The following SGCD variants were observed in gnomAD, a reference collection of about 807,000 sequenced individuals.
SGCD encodes the protein sarcoglycan delta.
SGCD carries 18 observed loss-of-function variants against 36.6 expected under a neutral mutation model. That is an observed-to-expected ratio of 0.49 (90% CI 0.34 to 0.73). The LOEUF (loss-of-function observed/expected upper bound fraction) is 0.73, where lower values mean the gene tolerates loss of function less well. Ranked by LOEUF, SGCD falls within the 30% of genes least tolerant of loss-of-function variation. The pLI is 0.01. For missense variants in SGCD, 387 were observed against 346.7 expected (o/e 1.12, Z -0.92); for synonymous variants, 133 against 130.6 (o/e 1.02, Z -0.12).
At chr5:156,741,215 C>A (rs1023985271) in intron 7 of SGCD, among the ~76,000 whole-genome samples, 1 of 152,116 alleles carries the variant, frequency 6.6e-6, no homozygotes, top group African/African-American at 2.4e-5. Context: ...AATGTAGATT[C>A]TTATGATGAA....
the SGCD span, among the ~76,000 whole-genome samples, chr5:155,801,120 C>A: frequency 6.6e-6 from 1 of 152,196 alleles, no homozygotes; most frequent in South Asian, 2.1e-4. Context: ...TCTCTGCCTT[C>A]TTGGCCTTCC....
intron 3 of SGCD, among the ~76,000 whole-genome samples, chr5:156,412,382 A>G (rs1772807478): frequency 1.3e-5 from 2 of 152,224 alleles, no homozygotes; most frequent in African/African-American, 4.8e-5. Context: ...GCTTTTTTCT[A>G]CCTATGTTTA....
chr5:155,806,134 T>A, the SGCD span, among the ~76,000 whole-genome samples: 1 of 152,074 alleles, frequency 6.6e-6, no homozygotes, highest in Non-Finnish European at 1.5e-5. Context: ...CAAACACTAT[T>A]CTGGACTTTA....
intron 4 of SGCD, among the ~76,000 whole-genome samples, chr5:156,582,091 T>A (rs1459357113): frequency 6.6e-6 from 1 of 152,188 alleles, no homozygotes; most frequent in Non-Finnish European, 1.5e-5. Flanking sequence ...TAATTTATTT[T>A]TTAAGAATGG....
chr5:155,745,533 C>A, the SGCD span, among the ~76,000 whole-genome samples: 3 of 151,888 alleles, frequency 2.0e-5, no homozygotes, highest in Non-Finnish European at 2.9e-5. Context: ...AAAACCATTG[C>A]CTTTACCAAT....
chr5:155,803,213 A>G, the SGCD span, among the ~76,000 whole-genome samples: 1 of 152,332 alleles, frequency 6.6e-6, no homozygotes, highest in Non-Finnish European at 1.5e-5. Flanking sequence ...GAGGGAATTT[A>G]ATGATACAGA....
At chr5:156,156,334 T>C (rs1198538033) in intron 3 of SGCD, among the ~76,000 whole-genome samples, 1 of 151,490 alleles carries the variant, frequency 6.6e-6, no homozygotes, top group Non-Finnish European at 1.5e-5. Flanking sequence ...CCCATGAATA[T>C]TAAAACAGCT....
At chr5:156,693,990 T>C (rs952807240) in intron 7 of SGCD, among the ~76,000 whole-genome samples, 3 of 152,128 alleles carry the variant, frequency 2.0e-5, no homozygotes, top group Non-Finnish European at 4.4e-5. Context: ...GACAGTCAGG[T>C]GCCCTTTATC....
chr5:156,256,564 C>T (rs1581199611), intron 3 of SGCD, among the ~76,000 whole-genome samples: 1 of 152,100 alleles, frequency 6.6e-6, no homozygotes, highest in South Asian at 2.1e-4. Context: ...TATCCTTTCT[C>T]CTCTTGATAG....
At chr5:156,179,536 T>G (rs903999832) in intron 3 of SGCD, among the ~76,000 whole-genome samples, 7 of 152,128 alleles carry the variant, frequency 4.6e-5, no homozygotes, top group African/African-American at 1.7e-4. Context: ...AAGCTTTCAA[T>G]GCATATTCAC....
chr5:155,744,295 A>C, the SGCD span, among the ~76,000 whole-genome samples: 1 of 152,000 alleles, frequency 6.6e-6, no homozygotes, highest in Non-Finnish European at 1.5e-5. Flanking sequence ...CCTCATCTCT[A>C]CTAAAAATAC....
intron 3 of SGCD, among the ~76,000 whole-genome samples, chr5:156,317,377 A>G (rs1767546481): frequency 6.6e-6 from 1 of 152,136 alleles, no homozygotes; most frequent in Admixed American, 6.5e-5. Context: ...AAGACAGTTT[A>G]ATAACAGGAT....
chr5:156,429,257 C>T (rs148217211), intron 3 of SGCD, among the ~76,000 whole-genome samples: 238 of 140,390 alleles, frequency 1.7e-3, no homozygotes, highest in Non-Finnish European at 2.1e-4. Context: ...TATAATGTCC[C>T]TCATTGTCTT....
At position 156,759,203 on chromosome 5, in the gene SGCD, TTC is replaced by T. The variant is rs1406251864; in HGVS notation, c.700-10_700-9del. ...CCTCTGACCAATGCTTTCCTTCCTA[TTC>T]TCTGTCTTTAGATTAAGTTAGATGC... On this transcript the variant is annotated splice_polypyrimidine_tract_variant and intron_variant, in intron 8 of 8. Coordinates refer to ENST00000337851, the MANE Select transcript of SGCD (RefSeq NM_000337.6). 2 of 1,610,162 alleles carry T rather than the reference TTC, an allele frequency of 1.2e-6. No homozygotes were observed. Among genetic ancestry groups the T allele is most frequent in the Non-Finnish European group, 1.7e-6 (2 of 1,176,626 alleles).
chr5:156,054,130 T>C (rs1444676481), intron 1 of SGCD, among the ~76,000 whole-genome samples: 1 of 146,002 alleles, frequency 6.8e-6, no homozygotes, highest in South Asian at 2.2e-4. Context: ...AAATTGGGAA[T>C]ATAAGTCTAG....
intron 4 of SGCD, among the ~76,000 whole-genome samples, chr5:156,582,933 G>A (rs964551284): frequency 3.3e-5 from 5 of 152,160 alleles, no homozygotes; most frequent in African/African-American, 9.7e-5. Flanking sequence ...GATTTGCCTT[G>A]AGATATTACC....
chr5:156,134,612 C>T (rs1426050393), intron 3 of SGCD, among the ~76,000 whole-genome samples: 1 of 150,872 alleles, frequency 6.6e-6, no homozygotes, highest in Non-Finnish European at 1.5e-5. Context: ...AACCAAACAC[C>T]ACAGGTTCTC....
intron 1 of SGCD, among the ~76,000 whole-genome samples, chr5:155,972,985 T>G (rs1401419868): frequency 6.6e-6 from 1 of 152,156 alleles, no homozygotes; most frequent in African/African-American, 2.4e-5. Context: ...TTCCCCTTAT[T>G]TTGTCCTTTG....
intron 7 of SGCD, among the ~76,000 whole-genome samples, chr5:156,757,099 T>A (rs983967874): frequency 1.3e-5 from 2 of 151,922 alleles, no homozygotes; most frequent in African/African-American, 4.8e-5. Context: ...GGTCATTTAG[T>A]GGCCACCCCA....
Sources: gnomAD v4.1 joint callset for allele counts (sites outside exome capture counted in the v4.1 genomes callset) on GRCh38, gnomAD v4.1.1 for gene constraint, MANE v1.5 for transcripts, NCBI Gene and HGNC (gene_info 2026-07-23, HGNC 2026-07-21) for gene names.